SNX29: variants seen among roughly 807,000 people sequenced by gnomAD.
SNX29 encodes sorting nexin 29, also known as sorting nexin-29.
In SNX29, 78 loss-of-function variants were observed where a neutral mutation model predicts 102.1. The observed-to-expected ratio is 0.76, with a 90% CI of 0.64 to 0.92. The LOEUF is 0.92. SNX29 is among the 40% of genes least tolerant of loss of function. The pLI is 0.00. For synonymous variants in SNX29, 580 were observed against 414.5 expected, an observed-to-expected ratio of 1.40 and a Z score of -4.85; for missense variants, 1,280 against 1,061.7, an observed-to-expected ratio of 1.21 and a Z score of -2.86.
intron 3 of SNX29, among the ~76,000 whole-genome samples, chr16:12,018,565 A>G (rs1268022898): frequency 2.0e-5 from 3 of 151,514 alleles, no homozygotes; most frequent in Admixed American, 1.3e-4. Flanking sequence ...CCTGGGTGAC[A>G]GAGTGAGACT....
chr16:12,070,537 A>G (rs1482150934), intron 10 of SNX29, among the ~76,000 whole-genome samples: 5 of 151,626 alleles, frequency 3.3e-5, no homozygotes, highest in Admixed American at 6.6e-5. Flanking sequence ...ATAGTATTCC[A>G]TGGTGTATAT....
At chr16:12,543,763 G>C (rs1053487997) in intron 20 of SNX29, among the ~76,000 whole-genome samples, 1 of 152,278 alleles carries the variant, frequency 6.6e-6, no homozygotes, top group African/African-American at 2.4e-5. Flanking sequence ...GATTTTCCAA[G>C]TTTATTTTCC....
intron 11 of SNX29, chr16:12,095,286 A>G (rs1287427015): frequency 1.3e-5 from 2 of 152,162 alleles, no homozygotes; most frequent in African/African-American, 4.8e-5. Flanking sequence ...ATATATGGTT[A>G]TTTGGGAGCT....
intron 11 of SNX29, among the ~76,000 whole-genome samples, chr16:12,088,805 GC>G (rs1468791688): frequency 2.0e-5 from 3 of 152,116 alleles, no homozygotes; most frequent in Non-Finnish European, 4.4e-5. Context: ...TTAAAAATTG[GC>G]CAGGTGCAGT....
chr16:12,550,563 G>A (rs1428538918), intron 20 of SNX29, among the ~76,000 whole-genome samples: 1 of 150,794 alleles, frequency 6.6e-6, no homozygotes, highest in African/African-American at 2.4e-5. Context: ...CACCAAATAT[G>A]AGGATATATA....
At chr16:12,120,540 G>T (rs1460901592) in intron 11 of SNX29, among the ~76,000 whole-genome samples, 3 of 152,192 alleles carry the variant, frequency 2.0e-5, no homozygotes, top group African/African-American at 7.2e-5. Flanking sequence ...CCCCCTGGGG[G>T]CCTTTAGTGG....
rs374798586 is a variant in SNX29, at chr16:12,243,182, C to T, written c.1679-34751C>T. On this transcript the variant is annotated intron_variant, in intron 14 of 20. Transcript: ENST00000566228. ...AGGCCTGGCATCTCTTGGGCACACA[C>T]CGATTCGTGCATGTAGTTGACAGTG... is the stretch of plus-strand genomic sequence containing the variant. Among the ~76,000 whole-genome samples the T allele has an allele frequency of 8.7e-4, 133 of 152,384 alleles. 5 individuals carry two copies. In the South Asian group the frequency reaches 0.027, roughly 31 times the overall value.
intron 18 of SNX29, among the ~76,000 whole-genome samples, chr16:12,430,960 C>G (rs571663710): frequency 6.6e-6 from 1 of 151,386 alleles, no homozygotes; most frequent in East Asian, 1.9e-4. Flanking sequence ...TCAAATGATT[C>G]TCCTGCCTCA....
At chr16:12,249,437 A>G (rs1329097049) in intron 14 of SNX29, among the ~76,000 whole-genome samples, 1 of 152,180 alleles carries the variant, frequency 6.6e-6, no homozygotes, top group East Asian at 1.9e-4. Flanking sequence ...CGAATACTCC[A>G]CTGACCAGAG....
At chr16:12,045,806 G>A (rs1036859177) in intron 5 of SNX29, among the ~76,000 whole-genome samples, 1 of 151,808 alleles carries the variant, frequency 6.6e-6, no homozygotes, top group Non-Finnish European at 1.5e-5. Flanking sequence ...TATATTTTTA[G>A]TAGAGATGGG....
chr16:12,544,736 C>G (rs918452153), intron 20 of SNX29, among the ~76,000 whole-genome samples: 1 of 152,160 alleles, frequency 6.6e-6, no homozygotes, highest in Non-Finnish European at 1.5e-5. Flanking sequence ...AACCTCGGCC[C>G]AGAGAGGTGA....
At chr16:12,519,509 A>T (rs1292036201) in intron 19 of SNX29, among the ~76,000 whole-genome samples, 1 of 151,942 alleles carries the variant, frequency 6.6e-6, no homozygotes, top group Admixed American at 6.5e-5. Flanking sequence ...GTCAAATGGG[A>T]AAATGTTGTT....
chr16:12,133,363 T>A (rs1361706512), intron 13 of SNX29, among the ~76,000 whole-genome samples: 2 of 136,474 alleles, frequency 1.5e-5, no homozygotes, highest in Non-Finnish European at 3.1e-5. Flanking sequence ...CGATCTCAGC[T>A]CACTGCATCC....
In SNX29 at chr16:12,156,414, G is replaced by A. The variant is rs536859340; in HGVS notation, c.1595+26656G>A. Among the ~76,000 whole-genome samples, 10 of 152,228 alleles carry A rather than the reference G, an allele frequency of 6.6e-5. No homozygotes were observed. The South Asian group carries it at 1.0e-3, about 16-fold the overall frequency. ...GTCTCATCCTGACCTCAGGTGATCCGCCCACCTCAGCCTCCCAAAGTACTG... is the reference window on the plus strand; with the variant it reads ...GTCTCATCCTGACCTCAGGTGATCCACCCACCTCAGCCTCCCAAAGTACTG... On this transcript the variant is annotated intron_variant, in intron 13 of 20. Transcript: ENST00000566228.
chr16:12,368,368 A>C (rs151210556), intron 16 of SNX29, among the ~76,000 whole-genome samples: 98 of 152,366 alleles, frequency 6.4e-4, no homozygotes, highest in African/African-American at 2.2e-3. Context: ...GGTGCAAAAT[A>C]ATCAAGATTT....
intron 20 of SNX29, among the ~76,000 whole-genome samples, chr16:12,553,769 G>A (rs768795930): frequency 6.6e-6 from 1 of 152,026 alleles, no homozygotes; most frequent in Non-Finnish European, 1.5e-5. Flanking sequence ...TTTTCCTTAA[G>A]TACAGACAGG....
intron 13 of SNX29, among the ~76,000 whole-genome samples, chr16:12,152,510 C>T (rs1467399570): frequency 1.3e-5 from 2 of 152,214 alleles, no homozygotes; most frequent in East Asian, 1.9e-4. Flanking sequence ...TATCTTAGCT[C>T]TGTAACCTGG....
intron 13 of SNX29, among the ~76,000 whole-genome samples, chr16:12,191,881 A>G (rs2076651551): frequency 6.6e-6 from 1 of 152,130 alleles, no homozygotes; most frequent in South Asian, 2.1e-4. Flanking sequence ...CCACTGGGCC[A>G]CCTTCTTCTT....
chr16:12,066,277 G>GCC (rs2051033501), intron 9 of SNX29, among the ~76,000 whole-genome samples: 2 of 152,316 alleles, frequency 1.3e-5, no homozygotes, highest in South Asian at 4.1e-4. Context: ...ATGGTATGGA[G>GCC]CCTTTGGACC....
Sources: allele counts gnomAD v4.1 joint callset (sites outside exome capture counted in the v4.1 genomes callset), GRCh38; gene constraint gnomAD v4.1.1; transcripts MANE v1.5; gene names NCBI Gene and HGNC (gene_info 2026-07-23, HGNC 2026-07-21).